The following ARID1A variants were observed in gnomAD, a reference collection of about 807,000 sequenced individuals.
ARID1A encodes AT-rich interactive domain-containing protein 1A.
A neutral mutation model predicts 212.6 loss-of-function variants in ARID1A; 20 were observed. The ratio of observed to expected loss-of-function variants is 0.09; its 90% CI spans 0.07 to 0.14. The LOEUF is 0.14. Among genes scored for constraint, ARID1A ranks in the 10% least tolerant of loss-of-function variants. The pLI is 1.00. For synonymous variants in ARID1A, 1,376 were observed against 1,222.1 expected, an observed-to-expected ratio of 1.13 and a Z score of -2.63; for missense variants, 2,587 against 3,059.0, an observed-to-expected ratio of 0.85 and a Z score of 3.64.
chr1:26,718,460 G>A (rs2080525693), intron 1 of ARID1A, among the ~76,000 whole-genome samples: 1 of 152,172 alleles, frequency 6.6e-6, no homozygotes, highest in African/African-American at 2.4e-5. Flanking sequence ...AAGACCCCCA[G>A]TGGGTGCCTG....
chr1:26,744,226 C>T (rs1289735420), intron 4 of ARID1A, among the ~76,000 whole-genome samples: 1 of 152,226 alleles, frequency 6.6e-6, no homozygotes. Context: ...CTGATACTGC[C>T]TGCTGACTGC....
At chr1:26,717,979 G>T (rs1007491201) in intron 1 of ARID1A, among the ~76,000 whole-genome samples, 11 of 152,106 alleles carry the variant, frequency 7.2e-5, no homozygotes, top group Non-Finnish European at 1.5e-4. Context: ...ATTTATTTTT[G>T]TTGTTGTTGT....
chr1:26,735,155 C>T (rs918769524), intron 4 of ARID1A, among the ~76,000 whole-genome samples: 8 of 146,858 alleles, frequency 5.4e-5, no homozygotes, highest in African/African-American at 1.8e-4. Flanking sequence ...GAGAGTTTCA[C>T]ACTCTTGTTG....
chr1:26,696,096 C>T lies in ARID1A; in HGVS notation c.-308C>T, dbSNP rs1382634708. ...CGGAGCCTCCACCGCCCCCCTCATTCCCAGGCAAGGGCTTGGGGGGAATGA... is the reference window on the plus strand; with the variant it reads ...CGGAGCCTCCACCGCCCCCCTCATTTCCAGGCAAGGGCTTGGGGGGAATGA... On this transcript the variant is annotated 5_prime_UTR_variant, in exon 1 of 20. Coordinates refer to ENST00000324856, the MANE Select transcript of ARID1A (RefSeq NM_006015.6). The T allele has an allele frequency of 8.7e-6, 4 of 458,368 alleles. No individual in the cohort carries two copies. Among genetic ancestry groups the T allele is most frequent in the Non-Finnish European group, 1.2e-5 (4 of 329,270 alleles). The allele number at this position is 458,368 out of a possible 1,614,324, so 28.4% of individuals were successfully genotyped here.
chr1:26,736,039 AAAAG>A (rs1161195354), intron 4 of ARID1A, among the ~76,000 whole-genome samples: 3 of 152,222 alleles, frequency 2.0e-5, no homozygotes, highest in Admixed American at 2.0e-4. Context: ...ACCTTTAAAA[AAAAG>A]GCCGGGCGTG....
rs2124745030 is a variant in ARID1A, at chr1:26,697,457, G to A, written c.1054G>A (p.Gly352Arg). ...AAAAAAAASGGAQQRSHHAPM... is the reference protein window; with the variant it reads ...AAAAAAAASGRAQQRSHHAPM... ...AGCTGCGGCGGCGGCCGCCTCGGGA[G>A]GGGCCCAACAAAGGAGCCACCACGC... Residue 352 changes from glycine to arginine, a missense_variant, in exon 1 of 20, where the codon GGG becomes AGG. This residue lies in a region of ARID1A where 735 missense variants were observed against 590.6 expected (regional missense o/e 1.24). Coordinates refer to ENST00000324856, the MANE Select transcript of ARID1A (RefSeq NM_006015.6). 1.5e-6 allele frequency: 2 copies of A among 1,373,394 alleles called. No individual in the cohort carries two copies. Among genetic ancestry groups the A allele is most frequent in the South Asian group, 1.7e-5 (1 of 57,696 alleles). 85.1% of individuals were successfully genotyped at this position (1,373,394 alleles called of 1,614,324 possible).
At chr1:26,714,675 A>G (rs1376624108) in intron 1 of ARID1A, among the ~76,000 whole-genome samples, 1 of 152,078 alleles carries the variant, frequency 6.6e-6, no homozygotes, top group Non-Finnish European at 1.5e-5. Flanking sequence ...TCTGCCTCCC[A>G]AAGTGCTGGG....
rs776467905 is a variant in ARID1A, at chr1:26,775,860, G to A, written c.5124+153G>A. ...CTTTGCTTCCTTTGCCTCTGGGCAC[G>A]GGCCCAGGATTTTGACAGCAATAAT... On this transcript the variant is annotated intron_variant, in intron 19 of 19. Coordinates refer to ENST00000324856, the MANE Select transcript of ARID1A (RefSeq NM_006015.6). The A allele has an allele frequency of 1.1e-5, 12 of 1,127,530 alleles. 1 individual carries two copies. Among genetic ancestry groups the A allele is most frequent in the Admixed American group, 5.9e-5 (3 of 50,920 alleles). 69.8% of individuals were successfully genotyped at this position (1,127,530 alleles called of 1,614,324 possible).
At chr1:26,757,311 C>CA (rs1487400457) in intron 4 of ARID1A, among the ~76,000 whole-genome samples, 2 of 144,224 alleles carry the variant, frequency 1.4e-5, no homozygotes, top group African/African-American at 2.6e-5. Flanking sequence ...ACTAAAAATA[C>CA]AAAAAAAAAT....
chr1:26,701,541 C>T (rs2080332027), intron 1 of ARID1A, among the ~76,000 whole-genome samples: 3 of 152,168 alleles, frequency 2.0e-5, no homozygotes, highest in Admixed American at 6.5e-5. Flanking sequence ...CCAGATTAAG[C>T]TGTGTGACCC....
intron 1 of ARID1A, among the ~76,000 whole-genome samples, chr1:26,710,460 A>C (rs1486480557): frequency 1.4e-5 from 2 of 147,744 alleles, no homozygotes; most frequent in African/African-American, 2.5e-5. Context: ...TGGGCGACAG[A>C]GCGAGATGCC....
At chr1:26,705,553 T>A (rs2080383882) in intron 1 of ARID1A, among the ~76,000 whole-genome samples, 1 of 152,174 alleles carries the variant, frequency 6.6e-6, no homozygotes, top group Non-Finnish European at 1.5e-5. Flanking sequence ...TGCCTTGCCA[T>A]TTTGGCATTT....
chr1:26,745,219 G>A (rs186590891), intron 4 of ARID1A, among the ~76,000 whole-genome samples: 41 of 152,238 alleles, frequency 2.7e-4, no homozygotes, highest in Admixed American at 1.8e-3. Flanking sequence ...CGTCTATCTC[G>A]GAGCTACTAT....
chr1:26,753,403 A>G (rs12737946), intron 4 of ARID1A, among the ~76,000 whole-genome samples: 9,067 of 152,248 alleles, frequency 0.06, 328 homozygotes, highest in Non-Finnish European at 0.08. Flanking sequence ...TGGAGTCCCT[A>G]TGGGCTTCCT....
intron 4 of ARID1A, among the ~76,000 whole-genome samples, chr1:26,759,104 G>A (rs1001194588): frequency 6.6e-6 from 1 of 152,170 alleles, no homozygotes; most frequent in Non-Finnish European, 1.5e-5. Context: ...GATCTTTCCC[G>A]GGTGAGCTTG....
chr1:26,749,121 C>T lies in ARID1A; in HGVS notation c.1921-11735C>T, dbSNP rs186139370. On this transcript the variant is annotated intron_variant, in intron 4 of 19. Coordinates refer to ENST00000324856, the MANE Select transcript of ARID1A (RefSeq NM_006015.6). Reference sequence around the variant, plus strand: ...CAGAGCTTGCAGTGAGCCAAGATCGCGCCACTGCACTCCAGCCTCGGTGAC... The same window carrying T: ...CAGAGCTTGCAGTGAGCCAAGATCGTGCCACTGCACTCCAGCCTCGGTGAC... 2.1e-3 allele frequency among the ~76,000 whole-genome samples: 323 copies of T among 152,152 alleles called. 1 individual carries two copies. The highest frequency in any genetic ancestry group is 7.2e-3 in the African/African-American group (300 of 41,500).
chr1:26,781,728 A>G lies in ARID1A; in HGVS notation c.*972A>G, dbSNP rs2081197527. ...AAGTTGGTGACCTGCACAAAGCGAG[A>G]CACAGCTATTTAATCTCTTGCCAGA... is the stretch of plus-strand genomic sequence containing the variant. On this transcript the variant is annotated 3_prime_UTR_variant, in exon 20 of 20. Coordinates refer to ENST00000324856, the MANE Select transcript of ARID1A (RefSeq NM_006015.6). 8.6e-6 allele frequency: 2 copies of G among 233,656 alleles called. No individual in the cohort carries two copies. Among genetic ancestry groups the G allele is most frequent in the African/African-American group, 4.4e-5 (2 of 45,362 alleles). 14.5% of individuals were successfully genotyped at this position (233,656 alleles called of 1,614,324 possible).
At chr1:26,763,765 G>A (rs1416390848) in intron 8 of ARID1A, among the ~76,000 whole-genome samples, 1 of 151,796 alleles carries the variant, frequency 6.6e-6, no homozygotes, top group East Asian at 1.9e-4. Flanking sequence ...CGAGACTGTC[G>A]AAAAAAGGGG....
chr1:26,704,712 G>A (rs532935727), intron 1 of ARID1A, among the ~76,000 whole-genome samples: 85 of 151,998 alleles, frequency 5.6e-4, no homozygotes, highest in Non-Finnish European at 9.4e-4. Flanking sequence ...CACAAAAATT[G>A]CTGGATGTGG....
Sources: gnomAD v4.1 joint callset for allele counts (sites outside exome capture counted in the v4.1 genomes callset) on GRCh38, gnomAD v4.1.1 for gene constraint, gnomAD v4.1.1 regional missense constraint, MANE v1.5 for transcripts, NCBI Gene and HGNC (gene_info 2026-07-23, HGNC 2026-07-21) for gene names.